DGKI: variants seen among roughly 807,000 people sequenced by gnomAD.
DGKI encodes diacylglycerol kinase iota.
Under a neutral mutation model 147.5 loss-of-function variants are expected in DGKI, and 55 were observed. That is an observed-to-expected ratio of 0.37 (90% confidence interval 0.30 to 0.47). The LOEUF (loss-of-function observed/expected upper bound fraction) is 0.47. Ranked by LOEUF, DGKI falls within the 20% of genes least tolerant of loss-of-function variation. DGKI has a pLI of 1.00. For synonymous variants in DGKI, 469 were observed against 477.1 expected (o/e 0.98, Z 0.22); for missense variants, 1,007 against 1,323.8 (o/e 0.76, Z 3.71).
chr7:137,775,076 A>G (rs980380350), intron 1 of DGKI: 2 of 151,476 alleles, frequency 1.3e-5, no homozygotes. Flanking sequence ...TAACACACTA[A>G]GCTGACTCAG....
chr7:137,412,924 G>GA (rs796172549), intron 28 of DGKI, among the ~76,000 whole-genome samples: 20 of 151,418 alleles, frequency 1.3e-4, no homozygotes, highest in Admixed American at 5.9e-4. Context: ...TAGCCTTAGG[G>GA]AAAAAAAAAT....
intron 27 of DGKI, among the ~76,000 whole-genome samples, chr7:137,446,680 C>T (rs1381033675): frequency 6.6e-6 from 1 of 151,838 alleles, no homozygotes; most frequent in Admixed American, 6.6e-5. Flanking sequence ...GAGCCGAGAC[C>T]GCGCCATTGC....
intron 1 of DGKI, among the ~76,000 whole-genome samples, chr7:137,745,924 G>A (rs1190579804): frequency 6.6e-6 from 1 of 152,124 alleles, no homozygotes; most frequent in Non-Finnish European, 1.5e-5. Context: ...TCTATGACAA[G>A]TGCTTAGTTA....
intron 19 of DGKI, among the ~76,000 whole-genome samples, chr7:137,565,287 T>C (rs972968976): frequency 1.3e-5 from 2 of 152,126 alleles, no homozygotes; most frequent in African/African-American, 4.8e-5. Flanking sequence ...TAATATGGTT[T>C]CATGTATTTT....
intron 28 of DGKI, among the ~76,000 whole-genome samples, chr7:137,437,985 T>C (rs55832151): frequency 0.018 from 2,770 of 152,144 alleles, 88 homozygotes; most frequent in African/African-American, 0.063. Flanking sequence ...TTCTAAAAAT[T>C]TTACAAGACA....
chr7:137,469,575 G>C lies in DGKI; in HGVS notation c.2418C>G (p.Leu806=), dbSNP rs1202520811. 9 of 1,613,912 alleles carry C rather than the reference G, an allele frequency of 5.6e-6. No individual in the cohort carries two copies. The Admixed American group carries it at 1.0e-4, about 18-fold the overall frequency. The change falls in exon 24 of 33, where the codon CTC becomes CTG. Residue 806 remains leucine, a synonymous_variant. Transcript: ENST00000614521. The stretch of plus-strand genomic sequence containing the variant: ...CATCTAGGAAGCACCACCGAGGAGA[G>C]AGCCTCTGTGCTGAGAGAGCCCTGG... ...SFPRALSAQR[L]SPRWCFLDAT...
chr7:137,758,204 C>T (rs555181221), intron 1 of DGKI, among the ~76,000 whole-genome samples: 4 of 152,318 alleles, frequency 2.6e-5, no homozygotes, highest in Non-Finnish European at 5.9e-5. Flanking sequence ...GAAACACCCA[C>T]ACTTATGGAA....
chr7:137,595,291 G>A (rs796537232), intron 12 of DGKI, among the ~76,000 whole-genome samples: 6 of 152,148 alleles, frequency 3.9e-5, no homozygotes, highest in Admixed American at 2.6e-4. Context: ...AACTGTAATC[G>A]GATCTGGCCA....
chr7:137,559,922 T>A (rs1484150044), intron 19 of DGKI, among the ~76,000 whole-genome samples: 1 of 152,222 alleles, frequency 6.6e-6, no homozygotes, highest in East Asian at 1.9e-4. Context: ...TAAAATAGAT[T>A]TGTATAATTC....
chr7:137,833,059 G>C (rs918637777), intron 1 of DGKI, among the ~76,000 whole-genome samples: 4 of 152,262 alleles, frequency 2.6e-5, no homozygotes, highest in African/African-American at 9.6e-5. Context: ...TTTTGTCAAA[G>C]CCATTCAACA....
chr7:137,405,378 G>A (rs544575770), intron 30 of DGKI, among the ~76,000 whole-genome samples: 2 of 152,232 alleles, frequency 1.3e-5, no homozygotes, highest in Non-Finnish European at 2.9e-5. Flanking sequence ...AAGTAGCTGG[G>A]ACTATGGGCC....
At chr7:137,450,270 G>A (rs917947087) in intron 27 of DGKI, among the ~76,000 whole-genome samples, 10 of 152,182 alleles carry the variant, frequency 6.6e-5, no homozygotes, top group African/African-American at 2.4e-4. Context: ...AAAATGCTAA[G>A]AGAGTAGATG....
At chr7:137,424,955 G>A (rs1812731277) in intron 28 of DGKI, among the ~76,000 whole-genome samples, 1 of 152,222 alleles carries the variant, frequency 6.6e-6, no homozygotes, top group African/African-American at 2.4e-5. Flanking sequence ...CCACCTCTGG[G>A]TGCAGGGCAC....
At chr7:137,633,667 T>C (rs28787723) in intron 6 of DGKI, among the ~76,000 whole-genome samples, 11,636 of 152,230 alleles carry the variant, frequency 0.076, 1,399 homozygotes, top group African/African-American at 0.25. Context: ...ATCACAAATT[T>C]AACCCAGTAC....
chr7:137,587,075 A>G, intron 13 of DGKI, 22 bp downstream of exon 13: 1 of 1,529,818 alleles, frequency 6.5e-7, no homozygotes, highest in Non-Finnish European at 8.8e-7. Context: ...TGATATGGGC[A>G]GTCCCCGAGA....
chr7:137,601,128 G>A (rs1170587592), intron 10 of DGKI, among the ~76,000 whole-genome samples: 6 of 151,980 alleles, frequency 3.9e-5, no homozygotes, highest in African/African-American at 7.3e-5. Context: ...AAAATTAGCC[G>A]GGCACGGTGG....
At chr7:137,406,366 A>G (rs917370613) in intron 30 of DGKI, among the ~76,000 whole-genome samples, 6 of 152,184 alleles carry the variant, frequency 3.9e-5, no homozygotes, top group Non-Finnish European at 7.4e-5. Flanking sequence ...TACAAGCCCC[A>G]GACTTAGCAC....
chr7:137,785,153 CA>C (rs1249281805), intron 1 of DGKI, among the ~76,000 whole-genome samples: 1 of 150,372 alleles, frequency 6.7e-6, no homozygotes, highest in East Asian at 1.9e-4. Context: ...GAAACAACAA[CA>C]AAAAAACAAT....
At chr7:137,493,988 A>G (rs2128939131) in intron 21 of DGKI, among the ~76,000 whole-genome samples, 1 of 152,332 alleles carries the variant, frequency 6.6e-6, no homozygotes, top group African/African-American at 2.4e-5. Context: ...AAATAACTAA[A>G]TTGAGATGCT....
Sources: gnomAD v4.1 joint callset for allele counts (sites outside exome capture counted in the v4.1 genomes callset) on GRCh38, gnomAD v4.1.1 for gene constraint, MANE v1.5 for transcripts, NCBI Gene and HGNC (gene_info 2026-07-23, HGNC 2026-07-21) for gene names.